The following CEP85L variants were observed in gnomAD, a reference collection of about 807,000 sequenced individuals.
CEP85L encodes the protein centrosomal protein of 85 kDa-like.
A neutral mutation model predicts 100.3 loss-of-function variants in CEP85L; 60 were observed. The observed-to-expected ratio is 0.60, with a 90% CI of 0.49 to 0.74. The LOEUF (loss-of-function observed/expected upper bound fraction) is 0.74, where lower values mean the gene tolerates loss of function less well. Among genes scored for constraint, CEP85L ranks in the 30% least tolerant of loss-of-function variants. The pLI is 0.00. For missense variants in CEP85L, 973 were observed against 936.2 expected (o/e 1.04, Z -0.51); for synonymous variants, 319 against 322.7 (o/e 0.99, Z 0.12).
chr6:118,566,501 T>G (rs549950499), intron 2 of CEP85L, among the ~76,000 whole-genome samples, 185 bp from the exon 3 acceptor site: 1 of 152,172 alleles, frequency 6.6e-6, no homozygotes, highest in Non-Finnish European at 1.5e-5. Context: ...CACCGCAATC[T>G]CTGCCTCCTG....
upstream of CEP85L, chr6:118,652,812 A>C: frequency 8.3e-7 from 1 of 1,205,938 alleles, no homozygotes; most frequent in Admixed American, 2.2e-5. Context: ...GCTGTTTCTG[A>C]TGATAAAAAG....
intron 2 of CEP85L, among the ~76,000 whole-genome samples, chr6:118,616,458 T>C (rs1773051576): frequency 1.3e-5 from 2 of 151,012 alleles, no homozygotes; most frequent in East Asian, 3.9e-4. Flanking sequence ...CTTGAGACCA[T>C]GATAGAAGGA....
chr6:118,479,225 C>T (rs897495065), intron 10 of CEP85L, among the ~76,000 whole-genome samples: 1 of 152,124 alleles, frequency 6.6e-6, no homozygotes, highest in African/African-American at 2.4e-5. Context: ...AGAAAGAAGA[C>T]TGTATATAAT....
chr6:118,669,916 A>G (rs1008599746), intron 1 of CEP85L, among the ~76,000 whole-genome samples: 4 of 150,302 alleles, frequency 2.7e-5, no homozygotes, highest in Non-Finnish European at 4.4e-5. Flanking sequence ...TGGGCCCCAG[A>G]TAACTCATGT....
At position 118,651,555 on chromosome 6, in the gene CEP85L, C is replaced by A; in HGVS notation, c.-286G>T. On this transcript the variant is annotated 5_prime_UTR_variant, in exon 1 of 13. Coordinates refer to ENST00000368491, the MANE Select transcript of CEP85L (RefSeq NM_001042475.3). ...CTAGATCCCCGGCTGAGCCCAGGCT[C>A]AAAGGCTCCAGGCGAAGTTGCAGCT... The A allele has an allele frequency of 8.2e-7, 1 of 1,214,850 alleles. No homozygotes were observed. Among genetic ancestry groups the A allele is most frequent in the South Asian group, 3.0e-5 (1 of 32,788 alleles). 75.3% of individuals were successfully genotyped at this position (1,214,850 alleles called of 1,614,324 possible). A position where few individuals can be genotyped will look rare whatever the true frequency, so the allele number is the denominator to read the frequency against.
chr6:118,710,019 T>A (rs1430290642), intron 1 of CEP85L: 1 of 152,184 alleles, frequency 6.6e-6, no homozygotes, highest in African/African-American at 2.4e-5. Context: ...TGCTCCACAA[T>A]TGGAGAAACA....
rs150548831 is a variant in CEP85L, at chr6:118,709,556, T to TGAGA, written c.-28+476_-28+479dup. ...GCGTGTGTGTGTGTGTGTGTGTGTGTGAGAGAGAGAGAGAGAGAGAGAGAG... is the reference window on the plus strand; with the variant it reads ...GCGTGTGTGTGTGTGTGTGTGTGTGTGAGAGAGAGAGAGAGAGAGAGAGAGAGAG... On this transcript the variant is annotated intron_variant, in intron 1 of 13. Coordinates refer to the CEP85L transcript ENST00000368488. Among the ~76,000 whole-genome samples, 10 of 142,316 alleles carry TGAGA rather than the reference T, an allele frequency of 7.0e-5. No individual in the cohort carries two copies. The East Asian group carries it at 1.2e-3, about 17-fold the overall frequency. The allele number at this position is 142,316 out of a possible 152,430, so 93.4% of individuals were successfully genotyped here. A position where few individuals can be genotyped will look rare whatever the true frequency, so the allele number is the denominator to read the frequency against.
At chr6:118,665,185 C>T (rs533670413) in intron 1 of CEP85L, among the ~76,000 whole-genome samples, 57 of 152,196 alleles carry the variant, frequency 3.7e-4, no homozygotes, top group African/African-American at 1.3e-3. Context: ...GAGTGGGAAC[C>T]TGTATGCTCC....
At chr6:118,518,301 A>G (rs1372536876) in intron 4 of CEP85L, among the ~76,000 whole-genome samples, 1 of 152,172 alleles carries the variant, frequency 6.6e-6, no homozygotes. Flanking sequence ...TTTCAGAAGG[A>G]ATGATACCAG....
intron 1 of CEP85L, among the ~76,000 whole-genome samples, chr6:118,650,740 G>A (rs1332976052): frequency 6.6e-6 from 1 of 152,310 alleles, no homozygotes; most frequent in East Asian, 1.9e-4. Context: ...GCGCCTACCA[G>A]AAGTCGGGAG....
chr6:118,669,830 G>A (rs1776240851), intron 1 of CEP85L, among the ~76,000 whole-genome samples: 1 of 151,568 alleles, frequency 6.6e-6, no homozygotes, highest in East Asian at 1.9e-4. Flanking sequence ...AGGAAAGTTA[G>A]AGTTACAACC....
At chr6:118,470,678 G>C (rs748329846) in intron 10 of CEP85L, 34 bp from the exon 11 acceptor site, 9 of 1,216,596 alleles carry the variant, frequency 7.4e-6, no homozygotes, top group Non-Finnish European at 9.4e-6. Context: ...AAGCAAAACA[G>C]GTTAACATGT....
At chr6:118,649,163 T>TTTATA (rs1775387877) in intron 1 of CEP85L, among the ~76,000 whole-genome samples, 1 of 152,094 alleles carries the variant, frequency 6.6e-6, no homozygotes, top group Non-Finnish European at 1.5e-5. Context: ...ATTTTAAATA[T>TTTATA]TTATATTTGC....
chr6:118,502,475 C>A, intron 5 of CEP85L: 1 of 523,146 alleles, frequency 1.9e-6, no homozygotes, highest in Non-Finnish European at 3.7e-6. Flanking sequence ...GGACACTTGA[C>A]ACAGCAAAAC....
At chr6:118,498,595 TA>T (rs66813095) in intron 5 of CEP85L, among the ~76,000 whole-genome samples, 48,965 of 102,514 alleles carry the variant, frequency 0.48, 7,670 homozygotes, top group East Asian at 0.63. Flanking sequence ...CCCAATCTGT[TA>T]AAAAAAAAAA....
intron 10 of CEP85L, among the ~76,000 whole-genome samples, chr6:118,478,993 A>G (rs1286539800): frequency 6.6e-6 from 1 of 152,192 alleles, no homozygotes; most frequent in African/African-American, 2.4e-5. Flanking sequence ...TATTAGATTT[A>G]CTTCTTGGAA....
chr6:118,656,240 G>T (rs960362935), upstream of CEP85L, among the ~76,000 whole-genome samples: 2 of 152,216 alleles, frequency 1.3e-5, no homozygotes, highest in Non-Finnish European at 2.9e-5. Context: ...GGCAAAGAAT[G>T]TAAGGATATT....
At chr6:118,512,414 C>T (rs548726257) in intron 4 of CEP85L, among the ~76,000 whole-genome samples, 1 of 152,294 alleles carries the variant, frequency 6.6e-6, no homozygotes, top group Non-Finnish European at 1.5e-5. Context: ...CTTGGAATTA[C>T]TGGCTATTCC....
At chr6:118,474,061 G>C (rs1007175669) in intron 10 of CEP85L, among the ~76,000 whole-genome samples, 2 of 152,084 alleles carry the variant, frequency 1.3e-5, no homozygotes, top group Non-Finnish European at 2.9e-5. Context: ...CTGGAGTTTT[G>C]CTTCTAGCAT....
Sources: gnomAD v4.1 joint callset for allele counts (sites outside exome capture counted in the v4.1 genomes callset) on GRCh38, gnomAD v4.1.1 for gene constraint, MANE v1.5 for transcripts, NCBI Gene and HGNC (gene_info 2026-07-23, HGNC 2026-07-21) for gene names.